Variants in KCNQ2 observed in about 807,000 individuals in gnomAD.
The protein encoded by KCNQ2 is potassium voltage-gated channel subfamily KQT member 2.
A neutral mutation model predicts 84.8 loss-of-function variants in KCNQ2; 14 were observed. The ratio of observed to expected loss-of-function variants is 0.17; its 90% CI spans 0.11 to 0.26. The LOEUF (loss-of-function observed/expected upper bound fraction) is 0.26, where lower values mean the gene tolerates loss of function less well. Ranked by LOEUF, KCNQ2 falls within the 10% of genes least tolerant of loss-of-function variation. The pLI is 1.00. For synonymous variants in KCNQ2, 599 were observed against 554.1 expected (o/e 1.08, Z -1.14); for missense variants, 788 against 1,254.0 (o/e 0.63, Z 5.61).
At position 63,414,891 on chromosome 20, in the gene KCNQ2, G is replaced by A. The variant is rs767442522; in HGVS notation, c.1525+12C>T. Reference sequence around the variant, plus strand: ...GAGAGGATGGACCAGGAGAGGATGCGGCCACACCCACCTTCTGAGTTCTGC... The same window carrying A: ...GAGAGGATGGACCAGGAGAGGATGCAGCCACACCCACCTTCTGAGTTCTGC... On this transcript the variant is annotated intron_variant, in intron 13 of 16. Transcript: ENST00000359125. The surrounding 1 kb of genome is among the most constrained non-coding windows in gnomAD (Gnocchi z 6.6). 2.8e-5 allele frequency: 45 copies of A among 1,611,024 alleles called. No individual in the cohort carries two copies. In the Middle Eastern group the frequency reaches 7.2e-4, roughly 26 times the overall value.
At chr20:63,443,365 CAT>C (rs2081305077) in intron 4 of KCNQ2, among the ~76,000 whole-genome samples, 1 of 110,134 alleles carries the variant, frequency 9.1e-6, no homozygotes, top group Non-Finnish European at 2.1e-5. Flanking sequence ...CCACCATCAC[CAT>C]CATCACCACC....
At chr20:63,447,236 C>T (rs1162578293) in intron 1 of KCNQ2, 6 of 280,386 alleles carry the variant, frequency 2.1e-5, no homozygotes, top group Non-Finnish European at 3.5e-5. Flanking sequence ...AACACAGGAA[C>T]AAGCAAAACC....
At chr20:63,444,882 C>T (rs769872210) in intron 3 of KCNQ2, 48 bp from the exon 4 acceptor site, 11 of 1,529,822 alleles carry the variant, frequency 7.2e-6, no homozygotes, top group Non-Finnish European at 9.7e-6. Flanking sequence ...GCTCCCCGCA[C>T]CCCCTTGGAG....
intron 14 of KCNQ2, among the ~76,000 whole-genome samples, 175 bp downstream of exon 14, chr20:63,413,913 G>A (rs1244515410): frequency 6.6e-6 from 1 of 152,184 alleles, no homozygotes; most frequent in Non-Finnish European, 1.5e-5. Flanking sequence ...AGTCCCAGAG[G>A]AGTGCACTCC....
chr20:63,407,676 A>G lies in KCNQ2; in HGVS notation c.1888-301T>C, dbSNP rs1176357746. On this transcript the variant is annotated intron_variant, in intron 16 of 16. Transcript: ENST00000359125. The surrounding 1 kb of genome is among the most constrained non-coding windows in gnomAD (Gnocchi z 7.2). Reference sequence around the variant, plus strand: ...GGGGGACCCAGGCTGGTCCTAGGAGATGGGGGGACCTGGACCACTCCCAGG... The same window carrying G: ...GGGGGACCCAGGCTGGTCCTAGGAGGTGGGGGGACCTGGACCACTCCCAGG... 6.9e-6 allele frequency among the ~76,000 whole-genome samples: 1 copy of G among 143,896 alleles called. No homozygotes were observed. Among genetic ancestry groups the G allele is most frequent in the Admixed American group, 7.0e-5 (1 of 14,308 alleles). The allele number at this position is 143,896 out of a possible 152,430, so 94.4% of individuals were successfully genotyped here.
chr20:63,433,130 T>G (rs1568915259), intron 8 of KCNQ2, among the ~76,000 whole-genome samples: 1 of 152,202 alleles, frequency 6.6e-6, no homozygotes, highest in Non-Finnish European at 1.5e-5. Context: ...AAATCCCAGC[T>G]GGCTGCCACC....
intron 12 of KCNQ2, among the ~76,000 whole-genome samples, chr20:63,416,614 G>A (rs1055998471): frequency 2.0e-5 from 3 of 152,152 alleles, no homozygotes; most frequent in Non-Finnish European, 4.4e-5. Context: ...GGGAGGCCCC[G>A]CAGATCCCTG....
chr20:63,464,693 A>G (rs975292561), intron 1 of KCNQ2, among the ~76,000 whole-genome samples: 1 of 152,152 alleles, frequency 6.6e-6, no homozygotes, highest in Non-Finnish European at 1.5e-5. Context: ...TCCACTCTCC[A>G]CAGGAAAAGG....
At chr20:63,418,080 C>T (rs539838356) in intron 12 of KCNQ2, among the ~76,000 whole-genome samples, 6 of 152,332 alleles carry the variant, frequency 3.9e-5, no homozygotes, top group African/African-American at 1.4e-4. Context: ...ACTCTGCACC[C>T]TCCAAGCACA....
intron 4 of KCNQ2, among the ~76,000 whole-genome samples, chr20:63,442,917 T>C (rs201839518): frequency 0.03 from 190 of 6,342 alleles, 1 homozygote; most frequent in Non-Finnish European, 0.04. Context: ...ACCATCACCA[T>C]CACCACCATC....
chr20:63,415,227 G>T, intron 12 of KCNQ2, 101 bp from the exon 13 acceptor site: 2 of 1,085,322 alleles, frequency 1.8e-6, no homozygotes, highest in Non-Finnish European at 2.7e-6. Flanking sequence ...CCGCCCATGC[G>T]CCGGAGGGAG....
At chr20:63,450,540 G>A (rs1486929965) in intron 1 of KCNQ2, among the ~76,000 whole-genome samples, 2 of 104,534 alleles carry the variant, frequency 1.9e-5, no homozygotes, top group Non-Finnish European at 2.1e-5. Flanking sequence ...GCTGGGGGGT[G>A]GGGGAAGACT....
chr20:63,433,834 G>C lies in KCNQ2; in HGVS notation c.1093C>G (p.Arg365Gly). 6.2e-7 allele frequency: 1 copy of C among 1,613,912 alleles called. No individual in the cohort carries two copies. ...DLHSTWQYYE[R>G]TVTVPMYSSQ... ...CTGTACATGGGCACGGTGACCGTTC[G>C]CTCGTAGTACTGCCACGTGGAGTGC... Residue 365 changes from arginine (R) to glycine (G), a missense_variant, in exon 8 of 17, where the codon CGA becomes GGA. Arg to Gly is a moderately radical substitution (Grantham distance 125, BLOSUM62 -2). Around this residue, in one of 8 missense-constraint regions of KCNQ2, gnomAD observed 16 missense variants for 38.7 expected, o/e 0.41. Coordinates refer to ENST00000359125, the MANE Select transcript of KCNQ2 (RefSeq NM_172107.4).
chr20:63,457,170 C>T (rs572277475), intron 1 of KCNQ2, among the ~76,000 whole-genome samples: 3 of 152,336 alleles, frequency 2.0e-5, no homozygotes, highest in Admixed American at 6.5e-5. Flanking sequence ...TGCAGACCGC[C>T]GGGGCTGGAG....
intron 1 of KCNQ2, among the ~76,000 whole-genome samples, chr20:63,458,232 C>A (rs1600840576): frequency 6.6e-6 from 1 of 152,192 alleles, no homozygotes; most frequent in African/African-American, 2.4e-5. Flanking sequence ...CGCCCCTGTA[C>A]CAGCCACTTT....
rs1361367038 is a variant in KCNQ2 at position 63,435,390 on chromosome 20, CAACAACAA to C, written c.1024-1495_1024-1488del. On this transcript the variant is annotated intron_variant, in intron 7 of 16. Transcript: ENST00000359125. Reference sequence around the variant, plus strand: ...GCAAGAGAGCAAGTCCCTATCTCAACAACAACAAAAAAAAAAAGTTGGCCATCCTAACG... The same window carrying C: ...GCAAGAGAGCAAGTCCCTATCTCAACAAAAAAAAAGTTGGCCATCCTAACG... 2.9e-5 allele frequency among the ~76,000 whole-genome samples: 4 copies of C among 136,222 alleles called. No individual in the cohort carries two copies. The South Asian group carries it at 7.2e-4, about 25-fold the overall frequency. 89.4% of individuals were successfully genotyped at this position (136,222 alleles called of 152,430 possible).
At chr20:63,450,844 A>G (rs545928590) in intron 1 of KCNQ2, among the ~76,000 whole-genome samples, 1 of 152,206 alleles carries the variant, frequency 6.6e-6, no homozygotes, top group South Asian at 2.1e-4. Context: ...CCAAAAAGCA[A>G]AAAAGAAGAA....
At chr20:63,416,456 C>T (rs540799027) in intron 12 of KCNQ2, among the ~76,000 whole-genome samples, 1 of 152,200 alleles carries the variant, frequency 6.6e-6, no homozygotes, top group African/African-American at 2.4e-5. Flanking sequence ...AGCATCAGAA[C>T]CCCCTGGCTC....
rs2082245005 is a variant in KCNQ2 at position 63,472,583 on chromosome 20, C to G, written c.-120G>C. 3.4e-6 allele frequency: 3 copies of G among 872,032 alleles called. No homozygotes were observed. The highest frequency in any genetic ancestry group is 5.5e-5 in the South Asian group (1 of 18,046). The allele number at this position is 872,032 out of a possible 1,614,324, so 54.0% of individuals were successfully genotyped here. A position where few individuals can be genotyped will look rare whatever the true frequency, so the allele number is the denominator to read the frequency against. On this transcript the variant is annotated 5_prime_UTR_variant, in exon 1 of 17. Transcript: ENST00000359125. Reference sequence around the variant, plus strand: ...GAGCCGCATGGCCGAGGCGGCGGTTCCGCACTCCTGCCGGGCTTGGGCCGC... The same window carrying G: ...GAGCCGCATGGCCGAGGCGGCGGTTGCGCACTCCTGCCGGGCTTGGGCCGC...
Sources: allele counts gnomAD v4.1 joint callset (sites outside exome capture counted in the v4.1 genomes callset), GRCh38; gene constraint gnomAD v4.1.1; regional missense constraint gnomAD v4.1.1; non-coding constraint Gnocchi (gnomAD v3.1); transcripts MANE v1.5; gene names NCBI Gene and HGNC (gene_info 2026-07-23, HGNC 2026-07-21).